IL17REL: variants seen among roughly 807,000 people sequenced by gnomAD.
The protein encoded by IL17REL is interleukin-17 receptor E-like protein.
In IL17REL, 36 loss-of-function variants were observed where a neutral mutation model predicts 49.0. The observed-to-expected ratio is 0.73, with a 90% confidence interval of 0.56 to 0.97. The LOEUF is 0.97. Ranked by LOEUF, IL17REL falls within the 50% of genes least tolerant of loss-of-function variation. The probability of loss-of-function intolerance (pLI) is 0.00; values close to 1 mark genes in which losing one functional copy is unlikely to be tolerated. For missense variants in IL17REL, 470 were observed against 453.9 expected, an observed-to-expected ratio of 1.04 and a Z score of -0.32; for synonymous variants, 206 against 192.4, an observed-to-expected ratio of 1.07 and a Z score of -0.58.
chr22:49,998,567 C>G (rs2061052040), intron 7 of IL17REL, among the ~76,000 whole-genome samples: 1 of 147,732 alleles, frequency 6.8e-6, no homozygotes, highest in East Asian at 2.0e-4. Flanking sequence ...GTGAGTGTGC[C>G]TGCCTGTGCA....
chr22:50,002,630 G>T (rs1316818581), intron 1 of IL17REL, among the ~76,000 whole-genome samples: 6 of 151,922 alleles, frequency 3.9e-5, no homozygotes, highest in Non-Finnish European at 8.8e-5. Context: ...GAGTAGTCGG[G>T]ATTACAGGCA....
chr22:50,005,663 A>G (rs1424030910), intron 1 of IL17REL, among the ~76,000 whole-genome samples: 5 of 151,964 alleles, frequency 3.3e-5, no homozygotes, highest in Admixed American at 6.6e-5. Flanking sequence ...TTAGCTGGGC[A>G]TGGTGCTGCT....
chr22:49,993,463 G>A (rs1426489766), downstream of IL17REL, among the ~76,000 whole-genome samples: 2 of 152,186 alleles, frequency 1.3e-5, no homozygotes, highest in Non-Finnish European at 2.9e-5. This position sits in a 1 kb window ranked among gnomAD's most constrained non-coding sequence, Gnocchi z 6.0. Context: ...CAAGGAGGCG[G>A]TGGGTGCACT....
At chr22:50,006,971 A>AG (rs1555949614) in intron 1 of IL17REL, among the ~76,000 whole-genome samples, 13,013 of 149,452 alleles carry the variant, frequency 0.087, 783 homozygotes, top group Admixed American at 0.13. Context: ...AAAAAAAAAA[A>AG]GGGAGGGGAT....
chr22:49,997,566 C>T (rs1259136249), intron 10 of IL17REL, 83 bp from the exon 13 acceptor site: 8 of 1,365,698 alleles, frequency 5.9e-6, no homozygotes, highest in Admixed American at 1.8e-5. Context: ...TGGCGCCTGC[C>T]CACTGTACCT....
chr22:50,003,317 T>A (rs1399704132), intron 1 of IL17REL, among the ~76,000 whole-genome samples: 2 of 149,894 alleles, frequency 1.3e-5, no homozygotes, highest in African/African-American at 4.9e-5. Context: ...AGATCAGGAG[T>A]TTGAGACCAG....
upstream of IL17REL, among the ~76,000 whole-genome samples, chr22:50,010,999 G>A (rs995235674): frequency 4.1e-4 from 49 of 120,320 alleles, no homozygotes; most frequent in Non-Finnish European, 1.0e-4. Context: ...CGTCACCCGC[G>A]CGGGTCCCCC....
chr22:49,992,776 C>T (rs545825835), downstream of IL17REL, among the ~76,000 whole-genome samples: 7 of 152,286 alleles, frequency 4.6e-5, no homozygotes, highest in South Asian at 1.5e-3. Flanking sequence ...CACCACAATG[C>T]CTGGTTAATT....
upstream of IL17REL, among the ~76,000 whole-genome samples, chr22:50,011,236 C>T (rs1334618342): frequency 6.6e-6 from 1 of 150,944 alleles, no homozygotes; most frequent in African/African-American, 2.4e-5. Flanking sequence ...CCCCTCCTCT[C>T]CTCTCCCCTC....
At chr22:50,002,262 T>G (rs759403846) in intron 1 of IL17REL, among the ~76,000 whole-genome samples, 6 of 152,246 alleles carry the variant, frequency 3.9e-5, no homozygotes, top group Non-Finnish European at 5.9e-5. Flanking sequence ...GGGCCTTGGC[T>G]GCTTGCTTCG....
In IL17REL at chr22:50,002,502, T is replaced by C. The variant is rs1020817259; in HGVS notation, c.-41-1271A>G. ...AACTCTTTCTTTTCTTTTCTTTTTT[T>C]TTTTTTTTTTTTGAGACAGTCCCGC... On this transcript the variant is annotated intron_variant, in intron 1 of 12. Coordinates refer to ENST00000341280, the Ensembl canonical transcript of IL17REL. 2.7e-4 allele frequency among the ~76,000 whole-genome samples: 41 copies of C among 149,624 alleles called. 1 individual carries two copies. The highest frequency in any genetic ancestry group is 8.6e-4 in the African/African-American group (35 of 40,822).
At position 49,999,840 on chromosome 22, in the gene IL17REL, G is replaced by A. The variant is rs758806414; in HGVS notation, c.462C>T (p.Gly154=). ...CGCGGGCGCTCACTCGCACAGGGGC[G>A]CCGGCGTCCTCGCAGGTGAACCGCT... Residue 154 remains glycine, a synonymous_variant, in exon 5 of 13, where the codon GGC becomes GGT. Coordinates refer to ENST00000341280, the Ensembl canonical transcript of IL17REL. The A allele has an allele frequency of 4.1e-5, 62 of 1,517,038 alleles. No homozygotes were observed. In the African/African-American group the frequency reaches 8.2e-4, roughly 20 times the overall value. 94.0% of individuals were successfully genotyped at this position (1,517,038 alleles called of 1,614,324 possible).
At chr22:50,007,854 A>G (rs1220432099) in intron 1 of IL17REL, among the ~76,000 whole-genome samples, 1 of 32,766 alleles carries the variant, frequency 3.1e-5, no homozygotes, top group African/African-American at 1.5e-4. Flanking sequence ...AAGTAAAAAT[A>G]AAATAGTTTA....
At chr22:49,997,142 C>A (rs1213305403) in intron 11 of IL17REL, 68 bp from the exon 14 acceptor site, 20 of 1,465,450 alleles carry the variant, frequency 1.4e-5, no homozygotes, top group East Asian at 2.4e-5. Flanking sequence ...CTGTCCTTCT[C>A]CCACATCCTC....
exon 8 of IL17REL, chr22:49,998,214 C>A (rs764353571): frequency 6.2e-7 from 1 of 1,612,464 alleles, no homozygotes; most frequent in Admixed American, 1.7e-5. Context: ...CACAGGCTCA[C>A]ATGGCCACTC....
chr22:50,007,588 A>G (rs961453544), intron 1 of IL17REL, among the ~76,000 whole-genome samples: 4 of 152,068 alleles, frequency 2.6e-5, no homozygotes, highest in Admixed American at 1.3e-4. Context: ...CATGTTGGCC[A>G]GGCTGGTCTC....
At chr22:50,010,594 C>G (rs895161445), upstream of IL17REL, among the ~76,000 whole-genome samples, 1 of 152,228 alleles carries the variant, frequency 6.6e-6, no homozygotes, top group African/African-American at 2.4e-5. Context: ...CCGCTGGGGG[C>G]TCGGAGGCCG....
At chr22:49,999,723 G>GGTGGGCGGGGCGCGGGGT in intron 5 of IL17REL, 105 bp downstream of exon 7, 1 of 632,706 alleles carries the variant, frequency 1.6e-6, no homozygotes, top group Non-Finnish European at 2.0e-6. Flanking sequence ...GGGCGCGGGG[G>GGTGGGCGGGGCGCGGGGT]GTGGGCGGGG....
intron 1 of IL17REL, among the ~76,000 whole-genome samples, chr22:50,007,493 C>T (rs137859): frequency 0.54 from 82,169 of 151,822 alleles, 22,716 homozygotes; most frequent in South Asian, 0.76. Context: ...GCCTCAGCCT[C>T]CCAGGTAGCT....
Sources: gnomAD v4.1 joint callset for allele counts (sites outside exome capture counted in the v4.1 genomes callset) on GRCh38, gnomAD v4.1.1 for gene constraint, Gnocchi (gnomAD v3.1) non-coding constraint, MANE v1.5 for transcripts, NCBI Gene and HGNC (gene_info 2026-07-23, HGNC 2026-07-21) for gene names.